RP9: variants seen among roughly 807,000 people sequenced by gnomAD.
The protein encoded by RP9 is RP9 pre-mRNA splicing factor.
A neutral mutation model predicts 32.6 loss-of-function variants in RP9; 23 were observed. The observed-to-expected ratio is 0.71, with a 90% confidence interval of 0.51 to 1.00. The LOEUF is 1.00. Among genes scored for constraint, RP9 ranks in the 50% least tolerant of loss-of-function variants. The pLI, the probability that RP9 is intolerant of heterozygous loss-of-function variation, is 0.00. For synonymous variants in RP9, 94 were observed against 103.6 expected (o/e 0.91, Z 0.56); for missense variants, 245 against 285.3 (o/e 0.86, Z 1.02).
In RP9 at chr7:33,109,322, CCGCCGCG is replaced by C; in HGVS notation, c.44_50del (p.Ala15GlyfsTer114). On this transcript the variant is annotated frameshift_variant, in exon 1 of 6. Coordinates refer to ENST00000297157, the MANE Select transcript of RP9 (RefSeq NM_203288.2). LOFTEE classifies it high-confidence loss of function. The surrounding 1 kb of genome is among the most constrained non-coding windows in gnomAD (Gnocchi z 4.9). ...GCTCCTGCTCCGGCGGCTCACGCGG[CCGCCGCG>C]CGCCCGCAGCCCCCACGTCCTCGCG... The C allele has an allele frequency of 6.9e-7, 1 of 1,458,800 alleles. No individual in the cohort carries two copies. Among genetic ancestry groups the C allele is most frequent in the Non-Finnish European group, 9.0e-7 (1 of 1,109,778 alleles). 90.4% of individuals were successfully genotyped at this position (1,458,800 alleles called of 1,614,324 possible).
Position 33,095,357 on chromosome 7 carries a change from A to G in RP9, c.543T>C (p.Gly181=). 1 of 1,612,296 alleles carries G rather than the reference A, an allele frequency of 6.2e-7. No individual in the cohort carries two copies. The highest frequency in any genetic ancestry group is 1.1e-5 in the South Asian group (1 of 90,896). The change falls in exon 6 of 6, where the codon GGT becomes GGC. Residue 181 remains glycine, a synonymous_variant. Coordinates refer to ENST00000297157, the MANE Select transcript of RP9 (RefSeq NM_203288.2). ...TCTTCTTTTTCTTGTGTTTCTCTTT[A>G]CCTTCAGAGGAACTGGAGCTGCTCC... ...EDRSSSSSSE[G]KEKHKKKKKK...
rs1788308929 is a variant in RP9 at position 33,095,089 on chromosome 7, C to A, written c.*145G>T. 1 of 694,034 alleles carries A rather than the reference C, an allele frequency of 1.4e-6. No individual in the cohort carries two copies. The highest frequency in any genetic ancestry group is 2.6e-6 in the Non-Finnish European group (1 of 391,324). 43.0% of individuals were successfully genotyped at this position (694,034 alleles called of 1,614,324 possible). On this transcript the variant is annotated 3_prime_UTR_variant, in exon 6 of 6. Transcript: ENST00000297157. ...ACTCCCTCTCCTGGGGTCACATCTTCACTGCAAGGCGGGTGGGAGCTCACT... is the reference window on the plus strand; with the variant it reads ...ACTCCCTCTCCTGGGGTCACATCTTAACTGCAAGGCGGGTGGGAGCTCACT...
chr7:33,099,792 GAAT>G (rs1326155020), intron 2 of RP9, among the ~76,000 whole-genome samples: 12 of 151,926 alleles, frequency 7.9e-5, no homozygotes, highest in Admixed American at 3.3e-4. Context: ...AGGCTTCCTG[GAAT>G]AATAGAAATG....
At chr7:33,105,047 T>A (rs9638885) in intron 1 of RP9, among the ~76,000 whole-genome samples, 3,764 of 152,166 alleles carry the variant, frequency 0.025, 129 homozygotes, top group East Asian at 0.17. Flanking sequence ...GAGAGTAAAC[T>A]TATAAAGAGG....
chr7:33,101,253 G>C (rs1788420343), intron 1 of RP9, among the ~76,000 whole-genome samples: 1 of 152,172 alleles, frequency 6.6e-6, no homozygotes, highest in Non-Finnish European at 1.5e-5. Context: ...GGACCCTTTA[G>C]AAGACAATGA....
At position 33,109,100 on chromosome 7, in the gene RP9, A is replaced by G. The variant is rs3750121; in HGVS notation, c.152+121T>C. On this transcript the variant is annotated intron_variant, in intron 1 of 5. Coordinates refer to ENST00000297157, the MANE Select transcript of RP9 (RefSeq NM_203288.2). The surrounding 1 kb of genome is among the most constrained non-coding windows in gnomAD (Gnocchi z 4.9). ...CCCGCACCAGGCTCCTGCCGGGCCC[A>G]GCCCCCCTGCCTGCTCGCGGGGGCT... The G allele has an allele frequency of 0.52, 687,596 of 1,334,794 alleles. 180,003 individuals carry two copies. The highest frequency in any genetic ancestry group is 0.7 in the African/African-American group (44,818 of 63,876). The allele number at this position is 1,334,794 out of a possible 1,614,324, so 82.7% of individuals were successfully genotyped here.
At chr7:33,103,648 TAAAAAA>T (rs376839561) in intron 1 of RP9, among the ~76,000 whole-genome samples, 2 of 146,926 alleles carry the variant, frequency 1.4e-5, no homozygotes, top group Non-Finnish European at 3.0e-5. Flanking sequence ...ATTCCATCTC[TAAAAAA>T]AAAAGTGTAA....
At position 33,099,343 on chromosome 7, in the gene RP9, A is replaced by G. The variant is rs1171449829; in HGVS notation, c.277T>C (p.Trp93Arg). ...TTGACTTCTTTCCCCAGTGGCATCC[A>G]AAGTCCTTTAGTTGGTGCATGAGCC... ...FLAHAPTKGLWMPLGKEVKVM... is the reference protein window; with the variant it reads ...FLAHAPTKGLRMPLGKEVKVM... Residue 93 changes from tryptophan to arginine, a missense_variant, in exon 3 of 6, where the codon TGG becomes CGG. Around this residue, in one of 2 missense-constraint regions of RP9, gnomAD observed 182 missense variants for 175.5 expected, o/e 1.04. Transcript: ENST00000297157. The G allele has an allele frequency of 6.2e-6, 10 of 1,613,748 alleles. No individual in the cohort carries two copies. Among genetic ancestry groups the G allele is most frequent in the Non-Finnish European group, 8.5e-6 (10 of 1,179,986 alleles).
intron 1 of RP9, among the ~76,000 whole-genome samples, chr7:33,105,734 G>T (rs1788489960): frequency 6.6e-6 from 1 of 152,060 alleles, no homozygotes; most frequent in African/African-American, 2.4e-5. Flanking sequence ...GGGCTTGCTG[G>T]ATTTTCCCTA....
chr7:33,095,456 G>C, intron 5 of RP9, 24 bp from the exon 6 acceptor site: 1 of 1,612,904 alleles, frequency 6.2e-7, no homozygotes, highest in Non-Finnish European at 8.5e-7. Flanking sequence ...ATTGATCAAA[G>C]AACAGTGAGT....
At chr7:33,101,607 A>G (rs969232437) in intron 1 of RP9, among the ~76,000 whole-genome samples, 2 of 152,054 alleles carry the variant, frequency 1.3e-5, no homozygotes, top group Non-Finnish European at 2.9e-5. Flanking sequence ...GTCTTAAAAA[A>G]AAAAAAAAAA....
chr7:33,100,947 T>A (rs1481211407), intron 1 of RP9: 5 of 374,272 alleles, frequency 1.3e-5, no homozygotes, highest in Non-Finnish European at 2.6e-5. Flanking sequence ...CCCAAAAGAG[T>A]AATATGCAAA....
chr7:33,096,710 C>G (rs968701758), intron 4 of RP9, among the ~76,000 whole-genome samples, 156 bp from the exon 5 acceptor site: 1 of 152,038 alleles, frequency 6.6e-6, no homozygotes, highest in Admixed American at 6.6e-5. Context: ...ACTGAAAACT[C>G]ATTAAGGCTA....
intron 1 of RP9, among the ~76,000 whole-genome samples, chr7:33,106,952 A>C (rs1475431241): frequency 2.0e-5 from 3 of 152,052 alleles, no homozygotes; most frequent in Admixed American, 1.3e-4. Context: ...TCAAAAAAAA[A>C]AAACAAAAAC....
At chr7:33,095,852 G>C (rs1788324815) in intron 5 of RP9, among the ~76,000 whole-genome samples, 1 of 150,828 alleles carries the variant, frequency 6.6e-6, no homozygotes, top group Non-Finnish European at 1.5e-5. Flanking sequence ...TTTTTTTAGA[G>C]ACAGGGTCTT....
At chr7:33,096,392 C>A in intron 5 of RP9, 101 bp downstream of exon 5, 1 of 835,514 alleles carries the variant, frequency 1.2e-6, no homozygotes, top group East Asian at 2.5e-5. Flanking sequence ...ATTGAAGTAC[C>A]ATGTTTACTG....
chr7:33,103,429 C>T (rs1788456269), intron 1 of RP9, among the ~76,000 whole-genome samples: 1 of 152,220 alleles, frequency 6.6e-6, no homozygotes, highest in Non-Finnish European at 1.5e-5. Flanking sequence ...AGCGCCCTAT[C>T]ATGAAGCTAT....
At chr7:33,099,212 G>A (rs937762857) in intron 3 of RP9, 95 bp downstream of exon 3, 1 of 1,417,550 alleles carries the variant, frequency 7.1e-7, no homozygotes, top group Non-Finnish European at 9.9e-7. Context: ...CTGTAAGAGG[G>A]CTGTGATGAG....
chr7:33,099,283 T>C, intron 3 of RP9, 24 bp downstream of exon 3: 1 of 1,612,024 alleles, frequency 6.2e-7, no homozygotes, highest in South Asian at 1.1e-5. Flanking sequence ...GTTGCATGGA[T>C]TAGGGAAACT....
Sources: gnomAD v4.1 joint callset for allele counts (sites outside exome capture counted in the v4.1 genomes callset) on GRCh38, gnomAD v4.1.1 for gene constraint, gnomAD v4.1.1 regional missense constraint, Gnocchi (gnomAD v3.1) non-coding constraint, MANE v1.5 for transcripts, NCBI Gene and HGNC (gene_info 2026-07-23, HGNC 2026-07-21) for gene names.